CNTN4: variants seen among roughly 807,000 people sequenced by gnomAD.
CNTN4 encodes contactin 4.
CNTN4 carries 77 observed loss-of-function variants against 122.5 expected under a neutral mutation model. The ratio of observed to expected loss-of-function variants is 0.63; its 90% CI spans 0.52 to 0.76. The LOEUF (loss-of-function observed/expected upper bound fraction) is 0.76, where lower values mean the gene tolerates loss of function less well. Among genes scored for constraint, CNTN4 ranks in the 30% least tolerant of loss-of-function variants. The pLI is 0.00. For synonymous variants in CNTN4, 512 were observed against 447.0 expected (o/e 1.15, Z -1.83); for missense variants, 1,256 against 1,259.1 (o/e 1.00, Z 0.04).
chr3:2,946,136 C>T (rs1345200015), intron 13 of CNTN4, among the ~76,000 whole-genome samples: 1 of 152,098 alleles, frequency 6.6e-6, no homozygotes, highest in Non-Finnish European at 1.5e-5. Context: ...CTCTGGTTTT[C>T]AGCCATCCCT....
intron 4 of CNTN4, among the ~76,000 whole-genome samples, chr3:2,733,532 G>GT (rs1201306391): frequency 0.031 from 3,782 of 120,434 alleles, 136 homozygotes; most frequent in Non-Finnish European, 0.04. Context: ...GCATGTTTGT[G>GT]TTTTTTTTTT....
intron 2 of CNTN4, among the ~76,000 whole-genome samples, chr3:2,323,145 G>A (rs1021431322): frequency 5.9e-5 from 9 of 152,110 alleles, no homozygotes; most frequent in African/African-American, 2.2e-4. Context: ...TATACCTGAA[G>A]AATCGGTCTC....
chr3:2,517,240 G>T (rs2077065135), intron 3 of CNTN4, among the ~76,000 whole-genome samples: 1 of 152,184 alleles, frequency 6.6e-6, no homozygotes, highest in South Asian at 2.1e-4. Flanking sequence ...ACCGTAGTCA[G>T]TCTGTCTTAT....
In CNTN4 at chr3:3,053,884, T is replaced by A. The variant is rs780943950; in HGVS notation, c.2889T>A (p.Pro963=). The A allele has an allele frequency of 1.9e-6, 3 of 1,614,188 alleles. No individual in the cohort carries two copies. The highest frequency in any genetic ancestry group is 2.2e-5 in the South Asian group (2 of 91,086). ...AAACATCGGTGGAGCTTTCTTTGCCTTTCGATGAAGATTATATAATAGAAA... is the reference window on the plus strand; with the variant it reads ...AAACATCGGTGGAGCTTTCTTTGCCATTCGATGAAGATTATATAATAGAAA... ...TNKTSVELSL[P]FDEDYIIEIK... Residue 963 remains proline (P), a synonymous_variant, in exon 24 of 25, where the codon CCT becomes CCA. Coordinates refer to ENST00000418658, the MANE Select transcript of CNTN4 (RefSeq NM_175607.3).
chr3:2,363,778 G>A (rs1267427776), intron 3 of CNTN4, among the ~76,000 whole-genome samples: 2 of 152,090 alleles, frequency 1.3e-5, no homozygotes, highest in Non-Finnish European at 1.5e-5. Context: ...GTGGCTTTCT[G>A]TATAATTTAA....
intron 2 of CNTN4, among the ~76,000 whole-genome samples, chr3:2,206,126 A>G (rs2038331766): frequency 1.3e-5 from 2 of 151,944 alleles, no homozygotes; most frequent in African/African-American, 2.4e-5. Flanking sequence ...CTCCTCTTCT[A>G]TTTCTTACCA....
intron 4 of CNTN4, among the ~76,000 whole-genome samples, chr3:2,707,221 A>G (rs1439831277): frequency 6.6e-6 from 1 of 151,778 alleles, no homozygotes. Context: ...TGGGAGAGTC[A>G]CTGGAACCCA....
chr3:2,284,973 A>G (rs914318412), intron 2 of CNTN4, among the ~76,000 whole-genome samples: 2 of 151,928 alleles, frequency 1.3e-5, no homozygotes, highest in African/African-American at 4.8e-5. Context: ...GGGTAATAGG[A>G]TAGTTTTTAT....
intron 3 of CNTN4, among the ~76,000 whole-genome samples, chr3:2,550,395 G>C (rs191508512): frequency 3.7e-3 from 567 of 152,122 alleles, no homozygotes; most frequent in African/African-American, 0.013. Context: ...CAAAACCACA[G>C]TGAGATACCA....
At chr3:3,025,405 G>A in intron 14 of CNTN4, among the ~76,000 whole-genome samples, 1 of 152,036 alleles carries the variant, frequency 6.6e-6, no homozygotes, top group African/African-American at 2.4e-5. Context: ...GGTTAAAACT[G>A]TAAGCTTAAA....
intron 3 of CNTN4, among the ~76,000 whole-genome samples, chr3:2,471,964 A>G (rs1230927910): frequency 6.6e-6 from 1 of 152,112 alleles, no homozygotes; most frequent in African/African-American, 2.4e-5. Flanking sequence ...AATCCCATAG[A>G]TGTGAAGTAT....
chr3:2,872,513 A>T (rs1000916053), intron 8 of CNTN4, among the ~76,000 whole-genome samples: 2 of 151,960 alleles, frequency 1.3e-5, no homozygotes, highest in Non-Finnish European at 2.9e-5. Context: ...TAGAACAAAG[A>T]TGAATGTTGA....
intron 4 of CNTN4, among the ~76,000 whole-genome samples, chr3:2,588,694 T>C (rs1242227183): frequency 6.6e-6 from 1 of 151,638 alleles, no homozygotes; most frequent in Non-Finnish European, 1.5e-5. Flanking sequence ...GTGCCTGATC[T>C]CTGTACAATC....
At position 2,713,479 on chromosome 3, in the gene CNTN4, G is replaced by A. The variant is rs138311908; in HGVS notation, c.56-22736G>A. ...TAAAGGAAATAAACGGGGGAACTTA[G>A]CACGGCCTGTTTGTTCAGCTTCTCC... On this transcript the variant is annotated intron_variant, in intron 4 of 24. Coordinates refer to ENST00000418658, the MANE Select transcript of CNTN4 (RefSeq NM_175607.3). 3.5e-4 allele frequency among the ~76,000 whole-genome samples: 54 copies of A among 152,320 alleles called. 2 individuals are homozygous for A. The highest frequency in any genetic ancestry group is 3.4e-3 in the Middle Eastern group (1 of 294).
intron 3 of CNTN4, among the ~76,000 whole-genome samples, chr3:2,381,005 T>C (rs1203546551): frequency 6.6e-6 from 1 of 152,096 alleles, no homozygotes; most frequent in African/African-American, 2.4e-5. Context: ...GTTTTGTTTT[T>C]TTCTTCCTTT....
At chr3:2,739,503 G>T (rs1477934088) in intron 5 of CNTN4, among the ~76,000 whole-genome samples, 2 of 150,000 alleles carry the variant, frequency 1.3e-5, no homozygotes, top group Non-Finnish European at 3.0e-5. Flanking sequence ...ATAATTTTGA[G>T]TAAACCAGTT....
intron 6 of CNTN4, among the ~76,000 whole-genome samples, chr3:2,792,165 G>A (rs767165654): frequency 9.2e-5 from 14 of 152,060 alleles, no homozygotes; most frequent in Non-Finnish European, 1.8e-4. Flanking sequence ...ATGCATCCCA[G>A]CACTTAAGAC....
chr3:2,911,739 A>G (rs2094302110), intron 12 of CNTN4, among the ~76,000 whole-genome samples: 1 of 152,164 alleles, frequency 6.6e-6, no homozygotes, highest in East Asian at 1.9e-4. Flanking sequence ...AAAAGATGAA[A>G]ATGAGCCCAA....
At chr3:2,898,657 A>G (rs938009418) in intron 10 of CNTN4, among the ~76,000 whole-genome samples, 1 of 152,188 alleles carries the variant, frequency 6.6e-6, no homozygotes, top group Admixed American at 6.5e-5. Context: ...CTCTCTCTGC[A>G]TGTGATTTTG....
Sources: allele counts gnomAD v4.1 joint callset (sites outside exome capture counted in the v4.1 genomes callset), GRCh38; gene constraint gnomAD v4.1.1; transcripts MANE v1.5; gene names NCBI Gene and HGNC (gene_info 2026-07-23, HGNC 2026-07-21).